CADM2: variants seen among roughly 807,000 people sequenced by gnomAD.
CADM2 encodes the protein cell adhesion molecule 2.
A neutral mutation model predicts 49.8 loss-of-function variants in CADM2; 12 were observed. The observed-to-expected ratio is 0.24, with a 90% confidence interval of 0.15 to 0.39. The LOEUF (loss-of-function observed/expected upper bound fraction) is 0.39, where lower values mean the gene tolerates loss of function less well. CADM2 is among the 10% of genes least tolerant of loss of function. The pLI is 1.00. For synonymous variants in CADM2, 214 were observed against 175.4 expected, an observed-to-expected ratio of 1.22 and a Z score of -1.74; for missense variants, 378 against 492.3, an observed-to-expected ratio of 0.77 and a Z score of 2.20.
chr3:85,624,294 A>G (rs1223409476), intron 1 of CADM2, among the ~76,000 whole-genome samples: 1 of 152,152 alleles, frequency 6.6e-6, no homozygotes, highest in Non-Finnish European at 1.5e-5. Context: ...CACCTGGTAC[A>G]TAAAGTTTTG....
intron 2 of CADM2, among the ~76,000 whole-genome samples, chr3:85,772,829 G>A (rs1300497175): frequency 6.6e-6 from 1 of 150,956 alleles, no homozygotes; most frequent in African/African-American, 2.4e-5. Context: ...GCTGCTGAGA[G>A]CAGCCTTAGG....
intron 2 of CADM2, among the ~76,000 whole-genome samples, chr3:85,752,860 C>T (rs1405097939): frequency 6.6e-6 from 1 of 151,640 alleles, no homozygotes; most frequent in Non-Finnish European, 1.5e-5. Flanking sequence ...AATGACAATC[C>T]AAAAAACATT....
intron 1 of CADM2, among the ~76,000 whole-genome samples, chr3:85,043,180 A>C (rs2035509193): frequency 6.6e-6 from 1 of 152,042 alleles, no homozygotes; most frequent in Non-Finnish European, 1.5e-5. Flanking sequence ...AGTGATAAGA[A>C]TTATTTTCTC....
At chr3:85,883,955 T>C (rs969955666) in intron 4 of CADM2, among the ~76,000 whole-genome samples, 5 of 152,216 alleles carry the variant, frequency 3.3e-5, no homozygotes, top group African/African-American at 1.2e-4. Context: ...GTGTCTTCTC[T>C]CCTTTTGAAA....
intron 1 of CADM2, among the ~76,000 whole-genome samples, chr3:85,309,828 C>T (rs578187849): frequency 3.3e-5 from 5 of 152,266 alleles, no homozygotes; most frequent in Admixed American, 6.5e-5. Context: ...ACTTTACCCC[C>T]GTTTTAAATG....
chr3:85,515,292 T>C (rs2060864773), intron 1 of CADM2, among the ~76,000 whole-genome samples: 1 of 152,120 alleles, frequency 6.6e-6, no homozygotes, highest in Non-Finnish European at 1.5e-5. Flanking sequence ...TTAGATTAGT[T>C]AACAAAGATA....
intron 1 of CADM2, among the ~76,000 whole-genome samples, chr3:85,297,666 C>A (rs979776450): frequency 3.3e-5 from 5 of 152,000 alleles, no homozygotes; most frequent in African/African-American, 1.2e-4. Flanking sequence ...CCATCTCACA[C>A]CTACCCTCTA....
At chr3:85,559,305 T>A (rs2062033230) in intron 1 of CADM2, among the ~76,000 whole-genome samples, 1 of 152,076 alleles carries the variant, frequency 6.6e-6, no homozygotes, top group Non-Finnish European at 1.5e-5. Flanking sequence ...TAGATTTTGC[T>A]TTTCTGTATA....
intron 1 of CADM2, among the ~76,000 whole-genome samples, chr3:85,273,652 G>T (rs151222868): frequency 1.2e-3 from 179 of 151,572 alleles, no homozygotes; most frequent in Non-Finnish European, 2.2e-3. Context: ...GGAGGAAGCT[G>T]CAGGTAGAAT....
chr3:85,918,165 G>T (rs941991684), intron 6 of CADM2, among the ~76,000 whole-genome samples: 1 of 152,140 alleles, frequency 6.6e-6, no homozygotes, highest in Admixed American at 6.5e-5. Context: ...TTCCTGATTG[G>T]CCTGGCCAGA....
intron 1 of CADM2, among the ~76,000 whole-genome samples, chr3:85,236,571 T>G (rs2042412461): frequency 6.6e-6 from 1 of 152,074 alleles, no homozygotes. Flanking sequence ...TTATTAACTT[T>G]TGTGATGAAA....
chr3:85,445,366 T>C (rs1284083897), intron 1 of CADM2, among the ~76,000 whole-genome samples: 1 of 152,114 alleles, frequency 6.6e-6, no homozygotes, highest in African/African-American at 2.4e-5. Flanking sequence ...GTGCCACAGA[T>C]GTGAAATGTA....
chr3:85,926,601 C>T (rs1234888991), intron 6 of CADM2, among the ~76,000 whole-genome samples: 1 of 151,848 alleles, frequency 6.6e-6, no homozygotes, highest in Admixed American at 6.6e-5. Context: ...CTTTCATCTG[C>T]AAGACACTTT....
intron 1 of CADM2, among the ~76,000 whole-genome samples, chr3:85,337,371 C>A (rs1228078680): frequency 6.6e-6 from 1 of 151,394 alleles, no homozygotes; most frequent in Admixed American, 6.6e-5. Flanking sequence ...TTAACTGTCT[C>A]AAGGAACAGC....
rs547248737 is a variant in CADM2, at chr3:85,721,893, A to G, written c.62-4629A>G. 4.5e-4 allele frequency among the ~76,000 whole-genome samples: 68 copies of G among 152,316 alleles called. 1 individual carries two copies. The highest frequency in any genetic ancestry group is 1.6e-3 in the African/African-American group (66 of 41,560). On this transcript the variant is annotated intron_variant, in intron 1 of 9. Coordinates refer to ENST00000383699, the MANE Select transcript of CADM2 (RefSeq NM_001167675.2). ...TTGTTGGGTACTGAATTCTTGCTCC[A>G]CACCCAGGAAGAATGAGACATGCAG...
rs529550024 is a variant in CADM2 at position 85,261,435 on chromosome 3, C to T, written c.61+301767C>T. Among the ~76,000 whole-genome samples the T allele has an allele frequency of 2.0e-5, 3 of 152,182 alleles. No homozygotes were observed. In the South Asian group the frequency reaches 6.2e-4, roughly 32 times the overall value. On this transcript the variant is annotated intron_variant, in intron 1 of 9. Coordinates refer to ENST00000383699, the MANE Select transcript of CADM2 (RefSeq NM_001167675.2). ...AGGTGTGAGCCACAGCGCCTGGCCT[C>T]TGATCAGTGTTTATCATAATTGCTT...
Position 85,734,406 on chromosome 3 carries a change from G to A in CADM2, c.88+7858G>A, listed in dbSNP as rs76698307. Among the ~76,000 whole-genome samples the A allele has an allele frequency of 5.3e-5, 8 of 151,918 alleles. No homozygotes were observed. In the East Asian group the frequency reaches 1.5e-3, roughly 29 times the overall value. ...ATGGCACTCTCAATGCAGGGAGACT[G>A]TATATGAATCCTGCCTTACCCCCAG... On this transcript the variant is annotated intron_variant, in intron 2 of 9. Transcript: ENST00000383699.
chr3:85,737,558 C>CTTT (rs2068189250), intron 2 of CADM2, among the ~76,000 whole-genome samples: 1 of 115,408 alleles, frequency 8.7e-6, no homozygotes. Flanking sequence ...TCATTCTTTT[C>CTTT]TTTCTTTTTT....
At chr3:85,090,753 T>G (rs575406712) in intron 1 of CADM2, among the ~76,000 whole-genome samples, 7 of 152,244 alleles carry the variant, frequency 4.6e-5, no homozygotes, top group African/African-American at 1.7e-4. Flanking sequence ...GGCATTAGAT[T>G]CTCATAGAAG....
Sources: gnomAD v4.1 joint callset for allele counts (sites outside exome capture counted in the v4.1 genomes callset) on GRCh38, gnomAD v4.1.1 for gene constraint, MANE v1.5 for transcripts, NCBI Gene and HGNC (gene_info 2026-07-23, HGNC 2026-07-21) for gene names.